HMCN2: variants seen among roughly 807,000 people sequenced by gnomAD.
HMCN2 encodes the protein hemicentin-2.
HMCN2 carries 325 observed loss-of-function variants against 377.5 expected under a neutral mutation model. That is an observed-to-expected ratio of 0.86 (90% CI 0.79 to 0.94). The LOEUF (loss-of-function observed/expected upper bound fraction) is 0.94, where lower values mean the gene tolerates loss of function less well. Ranked by LOEUF, HMCN2 falls within the 40% of genes least tolerant of loss-of-function variation. HMCN2 has a pLI of 0.00. For missense variants in HMCN2, 4,543 were observed against 4,725.3 expected (o/e 0.96, Z 1.13); for synonymous variants, 2,007 against 2,046.8 (o/e 0.98, Z 0.53).
rs538036739 is a variant in HMCN2 at position 130,414,135 on chromosome 9, G to A, written c.12961+3483G>A. On this transcript the variant is annotated intron_variant, in intron 85 of 97. Coordinates refer to ENST00000683500, the MANE Select transcript of HMCN2 (RefSeq NM_001291815.2). This position sits in a 1 kb window ranked among gnomAD's most constrained non-coding sequence, Gnocchi z 4.4. Reference sequence around the variant, plus strand: ...TAACTTCCACCCTCGCCCCTGTACCGAGGCACTGCTCTCCCCACACTGGAG... The same window carrying A: ...TAACTTCCACCCTCGCCCCTGTACCAAGGCACTGCTCTCCCCACACTGGAG... 1.1e-4 allele frequency among the ~76,000 whole-genome samples: 17 copies of A among 152,166 alleles called. No individual in the cohort carries two copies. The highest frequency in any genetic ancestry group is 3.9e-4 in the African/African-American group (16 of 41,506).
intron 85 of HMCN2, among the ~76,000 whole-genome samples, chr9:130,412,264 A>G (rs1843465579): frequency 1.3e-5 from 2 of 152,126 alleles, no homozygotes; most frequent in South Asian, 4.2e-4. Flanking sequence ...GAGCCACTGC[A>G]CCCAGGGCTT....
At chr9:130,350,436 A>C (rs1167903799) in intron 29 of HMCN2, among the ~76,000 whole-genome samples, 2 of 149,688 alleles carry the variant, frequency 1.3e-5, no homozygotes, top group Non-Finnish European at 3.0e-5. Context: ...AGGCGCCTGT[A>C]ATCCCAGCTG....
chr9:130,427,060 T>C (rs1844422830), intron 90 of HMCN2, among the ~76,000 whole-genome samples: 1 of 152,214 alleles, frequency 6.6e-6, no homozygotes, highest in Non-Finnish European at 1.5e-5. Flanking sequence ...TTTAATGGTT[T>C]TCCTGGGGCT....
intron 85 of HMCN2, among the ~76,000 whole-genome samples, chr9:130,417,837 A>G (rs1309956290): frequency 6.6e-6 from 1 of 152,210 alleles, no homozygotes; most frequent in Non-Finnish European, 1.5e-5. Context: ...ACAGGCACAC[A>G]GCGCCCCACC....
rs1838658039 is a variant in HMCN2 at position 130,334,867 on chromosome 9, A to G, written c.3360-3027A>G. On this transcript the variant is annotated intron_variant, in intron 22 of 97. Transcript: ENST00000683500. ...CCTCCCTCACCCTTTATTTTTCTTCACAGAGTCTTGCCCCGTTGCCCAGGC... is the reference window on the plus strand; with the variant it reads ...CCTCCCTCACCCTTTATTTTTCTTCGCAGAGTCTTGCCCCGTTGCCCAGGC... 3.0e-5 allele frequency among the ~76,000 whole-genome samples: 4 copies of G among 135,500 alleles called. No individual in the cohort carries two copies. The South Asian group carries it at 8.9e-4, about 30-fold the overall frequency. 88.9% of individuals were successfully genotyped at this position (135,500 alleles called of 152,430 possible).
At position 130,422,641 on chromosome 9, in the gene HMCN2, C is replaced by A. The variant is rs977370077; in HGVS notation, c.13296C>A (p.Ala4432=). The change falls in exon 87 of 98, where the codon GCC becomes GCA. Residue 4432 remains alanine, a synonymous_variant. Coordinates refer to ENST00000683500, the MANE Select transcript of HMCN2 (RefSeq NM_001291815.2). The surrounding 1 kb of genome is among the most constrained non-coding windows in gnomAD (Gnocchi z 4.2). The stretch of plus-strand genomic sequence containing the variant: ...TAAATGGCCGGAAATTTGGCGTGGC[C>A]ACACTCAACACCAGCGTGATGCAGG... ...GVINGRKFGV[A]TLNTSVMQEA... 4.5e-6 allele frequency: 6 copies of A among 1,328,830 alleles called. No individual in the cohort carries two copies. In the African/African-American group the frequency reaches 7.7e-5, roughly 17 times the overall value. The allele number at this position is 1,328,830 out of a possible 1,614,324, so 82.3% of individuals were successfully genotyped here.
intron 15 of HMCN2, among the ~76,000 whole-genome samples, chr9:130,310,938 G>A (rs1374130028): frequency 2.0e-5 from 3 of 152,190 alleles, no homozygotes; most frequent in African/African-American, 7.2e-5. Context: ...ACAGGGTTGG[G>A]CCCATAGTGA....
intron 82 of HMCN2, chr9:130,407,347 T>C: frequency 3.4e-6 from 1 of 293,662 alleles, no homozygotes; most frequent in African/African-American, 2.3e-5. Context: ...CCTTGACCGT[T>C]TATCAAACAC....
In HMCN2 at chr9:130,384,721, C is replaced by G. The variant is rs61734912; in HGVS notation, c.9029C>G (p.Ser3010Trp). 365 of 1,302,564 alleles carry G rather than the reference C, an allele frequency of 2.8e-4. 1 individual carries two copies. The African/African-American group carries it at 5.2e-3, about 19-fold the overall frequency. 80.7% of individuals were successfully genotyped at this position (1,302,564 alleles called of 1,614,324 possible). Reference protein sequence around the residue: ...HTLQLGRARLSDSGMYTCEAL... With the variant: ...HTLQLGRARLWDSGMYTCEAL... ...CTGCAGCTGGGGAGAGCACGGCTGT[C>G]GGACTCCGGGATGTACACATGCGAA... is the stretch of plus-strand genomic sequence containing the variant. The change falls in exon 59 of 98, where the codon TCG becomes TGG. Residue 3010 changes from serine (S) to tryptophan (W), a missense_variant. By Grantham distance (177) the Ser-to-Trp change is radical. This residue lies in a region of HMCN2 where 736 missense variants were observed against 773.2 expected (regional missense o/e 0.95). Transcript: ENST00000683500.
At chr9:130,385,150 A>G (rs1841953775) in intron 59 of HMCN2, among the ~76,000 whole-genome samples, 1 of 150,568 alleles carries the variant, frequency 6.6e-6, no homozygotes. Flanking sequence ...ATTCACTTGC[A>G]CGAACACCAG....
intron 53 of HMCN2, 46 bp downstream of exon 53, chr9:130,377,845 G>C: frequency 1.0e-6 from 1 of 985,046 alleles, no homozygotes; most frequent in Middle Eastern, 5.2e-4. Flanking sequence ...GCCAGTGTGA[G>C]GACATTGTGG....
Position 130,351,341 on chromosome 9 carries a change from C to A in HMCN2, c.4431-82C>A, listed in dbSNP as rs1460035046. 2.3e-5 allele frequency: 26 copies of A among 1,122,844 alleles called. No individual in the cohort carries two copies. The highest frequency in any genetic ancestry group is 6.6e-5 in the East Asian group (1 of 15,120). The allele number at this position is 1,122,844 out of a possible 1,614,324, so 69.6% of individuals were successfully genotyped here. A position where few individuals can be genotyped will look rare whatever the true frequency, so the allele number is the denominator to read the frequency against. On this transcript the variant is annotated intron_variant, in intron 29 of 97. Transcript: ENST00000683500. This position sits in a 1 kb window ranked among gnomAD's most constrained non-coding sequence, Gnocchi z 5.4. ...ATGAATGGCCCAGCCTCGCTTTTTA[C>A]AAGCCACACACTCCCTGTGTGCAGC...
At chr9:130,305,610 A>G (rs1372297700) in intron 11 of HMCN2, among the ~76,000 whole-genome samples, 1 of 152,124 alleles carries the variant, frequency 6.6e-6, no homozygotes. Flanking sequence ...GGAAGGAGGG[A>G]ATCCACCAGC....
chr9:130,418,627 C>T (rs912112853), intron 85 of HMCN2, 145 bp from the exon 86 acceptor site: 16 of 579,976 alleles, frequency 2.8e-5, no homozygotes, highest in Admixed American at 7.5e-5. Flanking sequence ...TATTCAGGAA[C>T]GATGACTGGG....
At chr9:130,271,822 T>C (rs1834425860) in intron 1 of HMCN2, among the ~76,000 whole-genome samples, 1 of 149,360 alleles carries the variant, frequency 6.7e-6, no homozygotes, top group South Asian at 2.1e-4. Flanking sequence ...GTATGTTGTA[T>C]ATATAACCTG....
rs1035598914 is a variant in HMCN2 at position 130,278,148 on chromosome 9, G to A, written c.260-6455G>A. On this transcript the variant is annotated intron_variant, in intron 1 of 97. Coordinates refer to ENST00000683500, the MANE Select transcript of HMCN2 (RefSeq NM_001291815.2). ...TGGTTGGTTGGTTTTTTTTTGAGAC[G>A]CAGTCTCGCTCTGTCACCCAGGGTG... is the stretch of plus-strand genomic sequence containing the variant. 8.6e-5 allele frequency among the ~76,000 whole-genome samples: 13 copies of A among 151,722 alleles called. 1 individual carries two copies. Among genetic ancestry groups the A allele is most frequent in the South Asian group, 2.1e-4 (1 of 4,810 alleles).
chr9:130,421,485 G>T (rs890411999), intron 86 of HMCN2, among the ~76,000 whole-genome samples: 1 of 152,142 alleles, frequency 6.6e-6, no homozygotes, highest in African/African-American at 2.4e-5. Flanking sequence ...CTTGTAGGGG[G>T]ACAAGAGGCT....
In HMCN2 at chr9:130,379,623, G is replaced by C. The variant is rs185638924; in HGVS notation, c.8431+156G>C. ...TTTGCCTGTGTGAAGGCAAAGACTGGATTGCCTTTTGCCTCTGGTTTATAG... is the reference window on the plus strand; with the variant it reads ...TTTGCCTGTGTGAAGGCAAAGACTGCATTGCCTTTTGCCTCTGGTTTATAG... On this transcript the variant is annotated intron_variant, in intron 54 of 97. Coordinates refer to ENST00000683500, the MANE Select transcript of HMCN2 (RefSeq NM_001291815.2). Among the ~76,000 whole-genome samples, 473 of 152,354 alleles carry C rather than the reference G, an allele frequency of 3.1e-3. 3 individuals carry two copies. Among genetic ancestry groups the C allele is most frequent in the Admixed American group, 5.5e-3 (84 of 15,310 alleles).
chr9:130,422,717 G>C lies in HMCN2; in HGVS notation c.13372G>C (p.Ala4458Pro), dbSNP rs942799341. Residue 4458 changes from alanine to proline, a missense_variant, in exon 87 of 98, where the codon GCA (alanine) becomes CCA (proline). Physicochemically the swap from Ala to Pro is conservative, Grantham distance 27. Coordinates refer to ENST00000683500, the MANE Select transcript of HMCN2 (RefSeq NM_001291815.2). This position sits in a 1 kb window ranked among gnomAD's most constrained non-coding sequence, Gnocchi z 4.2. ...SIHSSIRHVP[A>P]NVGPLMRVLV... ...CCACAGCAGCATCCGCCATGTCCCAGCAAACGTGGGTGAGTGGAAGGCAGA... is the reference window on the plus strand; with the variant it reads ...CCACAGCAGCATCCGCCATGTCCCACCAAACGTGGGTGAGTGGAAGGCAGA... The C allele has an allele frequency of 7.8e-7, 1 of 1,280,682 alleles. No individual in the cohort carries two copies. Among genetic ancestry groups the C allele is most frequent in the African/African-American group, 1.5e-5 (1 of 64,694 alleles). 79.3% of individuals were successfully genotyped at this position (1,280,682 alleles called of 1,614,324 possible).
Sources: gnomAD v4.1 joint callset for allele counts (sites outside exome capture counted in the v4.1 genomes callset) on GRCh38, gnomAD v4.1.1 for gene constraint, gnomAD v4.1.1 regional missense constraint, Gnocchi (gnomAD v3.1) non-coding constraint, MANE v1.5 for transcripts, NCBI Gene and HGNC (gene_info 2026-07-23, HGNC 2026-07-21) for gene names.